The following USP48 variants were observed in gnomAD, a reference collection of about 807,000 sequenced individuals.
The protein encoded by USP48 is ubiquitin carboxyl-terminal hydrolase 48.
A neutral mutation model predicts 150.7 loss-of-function variants in USP48; 43 were observed. The observed-to-expected ratio is 0.29, with a 90% CI of 0.22 to 0.37. The LOEUF is 0.37. USP48 is among the 10% of genes least tolerant of loss of function. The probability of loss-of-function intolerance (pLI) is 1.00; values close to 1 mark genes in which losing one functional copy is unlikely to be tolerated. For missense variants in USP48, 813 were observed against 1,249.6 expected, an observed-to-expected ratio of 0.65 and a Z score of 5.27; for synonymous variants, 396 against 425.9, an observed-to-expected ratio of 0.93 and a Z score of 0.86.
At chr1:21,740,047 GATTAC>G (rs2097777806) in intron 8 of USP48, among the ~76,000 whole-genome samples, 1 of 152,250 alleles carries the variant, frequency 6.6e-6, no homozygotes, top group South Asian at 2.1e-4. Context: ...GAGTAGCTGG[GATTAC>G]TGGCATGCGC....
chr1:21,728,973 C>CA (rs1419679514), intron 10 of USP48, among the ~76,000 whole-genome samples: 4 of 152,136 alleles, frequency 2.6e-5, no homozygotes, highest in Non-Finnish European at 5.9e-5. Context: ...TCGAATGGCT[C>CA]AAAATCACCA....
At chr1:21,716,484 T>A (rs996311515) in intron 14 of USP48, among the ~76,000 whole-genome samples, 10 of 152,240 alleles carry the variant, frequency 6.6e-5, no homozygotes, top group African/African-American at 2.4e-4. Flanking sequence ...TTAAAACTTA[T>A]GAATTGTTTA....
At position 21,694,600 on chromosome 1, in the gene USP48, AAAAAAAACC is replaced by A. The variant is rs1557429268; in HGVS notation, c.2883+457_2883+465del. Among the ~76,000 whole-genome samples the A allele has an allele frequency of 7.7e-4, 65 of 84,258 alleles. 3 individuals carry two copies. The highest frequency in any genetic ancestry group is 1.9e-3 in the African/African-American group (60 of 31,040). 55.3% of individuals were successfully genotyped at this position (84,258 alleles called of 152,430 possible). On this transcript the variant is annotated intron_variant, in intron 23 of 26. Coordinates refer to ENST00000308271, the MANE Select transcript of USP48 (RefSeq NM_032236.8). ...AAAAAAAAAAAAAAAAAAAAAAAAA[AAAAAAAACC>A]CCCTCTATCTATCAAATAGATTTAT...
At chr1:21,705,071 T>G (rs1339290466) in intron 19 of USP48, among the ~76,000 whole-genome samples, 21 of 152,052 alleles carry the variant, frequency 1.4e-4, no homozygotes, top group Admixed American at 1.3e-3. Flanking sequence ...ATATATAAAC[T>G]TTGAACTCCC....
chr1:21,718,537 G>T (rs1001559656), intron 14 of USP48, among the ~76,000 whole-genome samples: 3 of 151,194 alleles, frequency 2.0e-5, no homozygotes, highest in Non-Finnish European at 4.4e-5. Flanking sequence ...AAAATGAAGG[G>T]ACACTGATAT....
At chr1:21,706,072 CAG>C in intron 18 of USP48, 52 bp downstream of exon 18, 2 of 1,567,746 alleles carry the variant, frequency 1.3e-6, no homozygotes, top group Middle Eastern at 1.7e-4. Flanking sequence ...TAAAAAATAC[CAG>C]AGTCAACCAA....
chr1:21,699,640 A>T (rs902147673), intron 22 of USP48, among the ~76,000 whole-genome samples: 3 of 151,368 alleles, frequency 2.0e-5, no homozygotes, highest in African/African-American at 7.3e-5. Context: ...CAGCCTCCTG[A>T]GTAGCTGGGA....
intron 25 of USP48, among the ~76,000 whole-genome samples, chr1:21,683,794 T>C (rs1161572180): frequency 2.6e-5 from 4 of 152,216 alleles, no homozygotes; most frequent in Non-Finnish European, 2.9e-5. Flanking sequence ...TCCCTTCATA[T>C]GGCCCCTTTC....
At chr1:21,733,287 C>T (rs946700665) in intron 9 of USP48, among the ~76,000 whole-genome samples, 5 of 152,008 alleles carry the variant, frequency 3.3e-5, no homozygotes, top group Non-Finnish European at 5.9e-5. Flanking sequence ...CGTGGTGGCA[C>T]GTGCCTGTAA....
intron 8 of USP48, among the ~76,000 whole-genome samples, chr1:21,738,873 A>G (rs1351162756): frequency 6.6e-6 from 1 of 152,200 alleles, no homozygotes; most frequent in East Asian, 1.9e-4. Context: ...GCATTCTTGA[A>G]GCATAGATGG....
rs1359885375 is a variant in USP48 at position 21,742,560 on chromosome 1, G to GA, written c.991+4506dup. On this transcript the variant is annotated intron_variant, in intron 8 of 26. Coordinates refer to ENST00000308271, the MANE Select transcript of USP48 (RefSeq NM_032236.8). ...CTCTATCTCAAAAAAAAAAAGAAAA[G>GA]AAAAGAAAAAGAAAAAGAAAAAGAA... 6.2e-4 allele frequency among the ~76,000 whole-genome samples: 86 copies of GA among 138,918 alleles called. 1 individual carries two copies. Among genetic ancestry groups the GA allele is most frequent in the Admixed American group, 1.5e-3 (21 of 14,098 alleles). The allele number at this position is 138,918 out of a possible 152,430, so 91.1% of individuals were successfully genotyped here. A position where few individuals can be genotyped will look rare whatever the true frequency, so the allele number is the denominator to read the frequency against.
At chr1:21,700,013 TAGAGTCA>T (rs1171977198) in intron 22 of USP48, among the ~76,000 whole-genome samples, 1 of 147,752 alleles carries the variant, frequency 6.8e-6, no homozygotes, top group Non-Finnish European at 1.5e-5. Context: ...GACATATTAG[TAGAGTCA>T]ACTAATATGT....
intron 8 of USP48, among the ~76,000 whole-genome samples, chr1:21,739,143 C>T (rs2097775292): frequency 2.0e-5 from 3 of 151,982 alleles, no homozygotes; most frequent in African/African-American, 2.4e-5. Context: ...AAAGGGCTTA[C>T]GGGATCAGAG....
chr1:21,780,738 ATTTTTT>A lies in USP48; in HGVS notation c.134+2080_134+2085del, dbSNP rs34071636. On this transcript the variant is annotated intron_variant, in intron 1 of 26. Transcript: ENST00000308271. ...GGGCATACAGAGCCAAGATAAGATA[ATTTTTT>A]TTTTTTTTTTTTTTTTGAGACTGAG... is the stretch of plus-strand genomic sequence containing the variant. Among the ~76,000 whole-genome samples the A allele has an allele frequency of 2.6e-5, 3 of 117,452 alleles. No individual in the cohort carries two copies. The South Asian group carries it at 9.1e-4, about 36-fold the overall frequency. 77.1% of individuals were successfully genotyped at this position (117,452 alleles called of 152,430 possible).
At chr1:21,767,611 C>T (rs2097865332) in intron 1 of USP48, among the ~76,000 whole-genome samples, 1 of 151,546 alleles carries the variant, frequency 6.6e-6, no homozygotes, top group African/African-American at 2.4e-5. Context: ...GCATGAGCCA[C>T]CGCGACCCGG....
At chr1:21,696,473 G>A (rs146141660) in intron 22 of USP48, among the ~76,000 whole-genome samples, 69 of 152,228 alleles carry the variant, frequency 4.5e-4, no homozygotes, top group African/African-American at 1.6e-3. Context: ...AAGCGGGTGC[G>A]GAGACAGAGT....
At chr1:21,740,159 C>T (rs538509494) in intron 8 of USP48, among the ~76,000 whole-genome samples, 2 of 152,218 alleles carry the variant, frequency 1.3e-5, no homozygotes, top group African/African-American at 4.8e-5. Context: ...GATCCACCCG[C>T]CTTGGCCTCC....
At chr1:21,760,777 T>C (rs751548115) in intron 1 of USP48, among the ~76,000 whole-genome samples, 8 of 149,628 alleles carry the variant, frequency 5.3e-5, no homozygotes, top group Non-Finnish European at 1.0e-4. Flanking sequence ...AATGTTGTGA[T>C]ATATAACGAT....
intron 1 of USP48, among the ~76,000 whole-genome samples, chr1:21,775,601 T>C (rs2097896112): frequency 6.6e-6 from 1 of 152,178 alleles, no homozygotes; most frequent in African/African-American, 2.4e-5. Flanking sequence ...TGAAGTAAGG[T>C]GGCATGACAC....
Sources: allele counts gnomAD v4.1 joint callset (sites outside exome capture counted in the v4.1 genomes callset), GRCh38; gene constraint gnomAD v4.1.1; transcripts MANE v1.5; gene names NCBI Gene and HGNC (gene_info 2026-07-23, HGNC 2026-07-21).